SRGAP2: variants seen among roughly 807,000 people sequenced by gnomAD.
SRGAP2 encodes the protein SLIT-ROBO Rho GTPase activating protein 2.
Under a neutral mutation model 57.2 loss-of-function variants are expected in SRGAP2, and 15 were observed. That is an observed-to-expected ratio of 0.26 (90% CI 0.18 to 0.40). SRGAP2 has a LOEUF of 0.40. Among genes scored for constraint, SRGAP2 ranks in the 10% least tolerant of loss-of-function variants. The pLI, the probability that SRGAP2 is intolerant of heterozygous loss-of-function variation, is 1.00. For missense variants in SRGAP2, 520 were observed against 669.6 expected (o/e 0.78, Z 2.47); for synonymous variants, 249 against 248.0 (o/e 1.00, Z -0.04).
intron 2 of SRGAP2, among the ~76,000 whole-genome samples, chr1:206,302,325 T>C (rs1671918234): frequency 6.6e-6 from 1 of 151,858 alleles, no homozygotes; most frequent in Admixed American, 6.6e-5. Flanking sequence ...CTCTTGTCAG[T>C]AACAAATGCA....
chr1:206,246,953 TG>T (rs1668533619), intron 2 of SRGAP2, among the ~76,000 whole-genome samples: 1 of 131,542 alleles, frequency 7.6e-6, no homozygotes, highest in Admixed American at 7.7e-5. Flanking sequence ...AAGATGTTTA[TG>T]GGTGAACCCT....
chr1:206,414,029 C>CTTTTTTTTTTTTTTTTTTTTTT (rs201058533), intron 10 of SRGAP2, among the ~76,000 whole-genome samples: 1 of 145,152 alleles, frequency 6.9e-6, no homozygotes, highest in Non-Finnish European at 1.5e-5. Context: ...TTTTCTTTTT[C>CTTTTTTTTTTTTTTTTTTTTTT]TTTCTTTTTT....
At chr1:206,357,518 AG>A (rs1486229229) in intron 4 of SRGAP2, among the ~76,000 whole-genome samples, 2 of 150,680 alleles carry the variant, frequency 1.3e-5, no homozygotes, top group African/African-American at 4.9e-5. Context: ...ATCATACAGC[AG>A]TCTGTAGTCT....
In SRGAP2 at chr1:206,458,634, G is replaced by A. The variant is rs782635494; in HGVS notation, c.2519G>A (p.Arg840His). 3 of 758,276 alleles carry A rather than the reference G, an allele frequency of 4.0e-6. No homozygotes were observed. Among genetic ancestry groups the A allele is most frequent in the East Asian group, 4.9e-5 (2 of 40,710 alleles). 47.0% of individuals were successfully genotyped at this position (758,276 alleles called of 1,614,324 possible). Reference protein sequence around the residue: ...YLANINKQRKRPESGSIRKTF... With the variant: ...YLANINKQRKHPESGSIRKTF... Reference sequence around the variant, plus strand: ...GTTTGTGATTGAAGGCAAAGGAAGCGTCCAGAATCTGGGAGCATCCGGAAA... The same window carrying A: ...GTTTGTGATTGAAGGCAAAGGAAGCATCCAGAATCTGGGAGCATCCGGAAA... The change falls in exon 22 of 23, where the codon CGT becomes CAT. Residue 840 changes from arginine (R) to histidine (H), a missense_variant. Transcript: ENST00000573034.
At chr1:206,429,640 A>G (rs1201856067) in intron 13 of SRGAP2, among the ~76,000 whole-genome samples, 1 of 152,272 alleles carries the variant, frequency 6.6e-6, no homozygotes, top group Admixed American at 6.5e-5. Flanking sequence ...AACTGGAGGC[A>G]CAGGCAGTAT....
chr1:206,240,283 A>C lies in SRGAP2; in HGVS notation c.67+34246A>C, dbSNP rs1476783146. Among the ~76,000 whole-genome samples the C allele has an allele frequency of 3.1e-3, 447 of 144,088 alleles. 1 individual carries two copies. Among genetic ancestry groups the C allele is most frequent in the African/African-American group, 0.01 (418 of 39,854 alleles). The allele number at this position is 144,088 out of a possible 152,430, so 94.5% of individuals were successfully genotyped here. A position where few individuals can be genotyped will look rare whatever the true frequency, so the allele number is the denominator to read the frequency against. Reference sequence around the variant, plus strand: ...AACGTCTCAAAAAAAAAAAAAAAAAAAAGACATTGACTGGTCTTGGCAGTC... The same window carrying C: ...AACGTCTCAAAAAAAAAAAAAAAAACAAGACATTGACTGGTCTTGGCAGTC... On this transcript the variant is annotated intron_variant, in intron 2 of 22. Coordinates refer to ENST00000573034, the MANE Select transcript of SRGAP2 (RefSeq NM_015326.5).
intron 10 of SRGAP2, among the ~76,000 whole-genome samples, chr1:206,409,749 T>C (rs1659026843): frequency 1.3e-5 from 2 of 148,560 alleles, no homozygotes; most frequent in African/African-American, 2.5e-5. Flanking sequence ...GTCACTGCAC[T>C]CCAGCCTGGG....
intron 4 of SRGAP2, among the ~76,000 whole-genome samples, chr1:206,371,843 A>G (rs1654587155): frequency 3.4e-5 from 3 of 89,158 alleles, no homozygotes; most frequent in Admixed American, 3.2e-4. Context: ...GGAGGGACAG[A>G]GTCTTGCTCT....
chr1:206,318,913 TG>T (rs1231818609), intron 3 of SRGAP2, among the ~76,000 whole-genome samples: 2 of 150,708 alleles, frequency 1.3e-5, no homozygotes, highest in African/African-American at 2.5e-5. Context: ...ACATGAGATT[TG>T]GGGGGGGACA....
chr1:206,425,329 T>A (rs1292564447), intron 13 of SRGAP2, among the ~76,000 whole-genome samples: 15 of 152,140 alleles, frequency 9.9e-5, no homozygotes, highest in African/African-American at 3.6e-4. Flanking sequence ...CCAAATCAGG[T>A]TAATTAGGGT....
intron 2 of SRGAP2, among the ~76,000 whole-genome samples, chr1:206,219,887 CTTCT>C (rs1229318681): frequency 6.6e-6 from 1 of 151,710 alleles, no homozygotes; most frequent in African/African-American, 2.4e-5. Flanking sequence ...GTGCTGGTTA[CTTCT>C]TTCTAAGAGT....
chr1:206,311,318 C>T (rs1340888964), intron 3 of SRGAP2, among the ~76,000 whole-genome samples: 2 of 152,160 alleles, frequency 1.3e-5, no homozygotes, highest in African/African-American at 4.8e-5. Context: ...CATGGCCACC[C>T]ATCCATACAG....
At chr1:206,386,998 C>T (rs370888817) in intron 5 of SRGAP2, among the ~76,000 whole-genome samples, 4 of 143,212 alleles carry the variant, frequency 2.8e-5, no homozygotes, top group Non-Finnish European at 4.6e-5. Context: ...TGGTGGTGGG[C>T]GCCTATAGTC....
intron 2 of SRGAP2, among the ~76,000 whole-genome samples, chr1:206,239,447 A>T (rs1201553504): frequency 1.3e-5 from 2 of 152,166 alleles, no homozygotes; most frequent in Admixed American, 1.3e-4. Context: ...CCTGGAAGTT[A>T]AAAGAAAAGT....
Position 206,371,311 on chromosome 1 carries a change from A to G in SRGAP2, c.424-12703A>G, listed in dbSNP as rs1163653250. On this transcript the variant is annotated intron_variant, in intron 4 of 22. Coordinates refer to ENST00000573034, the MANE Select transcript of SRGAP2 (RefSeq NM_015326.5). ...TTTTCAGACAAGAAAAATATGAGAA[A>G]ATATATCGCCAGCAGACTTGCACTA... Among the ~76,000 whole-genome samples the G allele has an allele frequency of 6.0e-5, 9 of 149,190 alleles. No individual in the cohort carries two copies. In the Admixed American group the frequency reaches 6.0e-4, roughly 10 times the overall value.
chr1:206,428,927 T>C (rs1572132675), intron 13 of SRGAP2, among the ~76,000 whole-genome samples: 1 of 152,116 alleles, frequency 6.6e-6, no homozygotes, highest in Admixed American at 6.5e-5. Flanking sequence ...GGATTACAGG[T>C]GTGAGCGACC....
At chr1:206,433,648 AAG>A (rs1458463253) in intron 14 of SRGAP2, among the ~76,000 whole-genome samples, 2 of 151,980 alleles carry the variant, frequency 1.3e-5, no homozygotes, top group Non-Finnish European at 2.9e-5. Flanking sequence ...AAAAAAAAAA[AAG>A]ATAAATAAAT....
intron 8 of SRGAP2, among the ~76,000 whole-genome samples, chr1:206,402,191 A>G (rs529766494): frequency 1.3e-5 from 2 of 152,308 alleles, no homozygotes; most frequent in African/African-American, 4.8e-5. Context: ...GAAGACTGTG[A>G]TGAAGTGTAT....
At chr1:206,408,844 A>C (rs1217110335) in intron 10 of SRGAP2, among the ~76,000 whole-genome samples, 1 of 151,830 alleles carries the variant, frequency 6.6e-6, no homozygotes, top group African/African-American at 2.4e-5. Flanking sequence ...ATGTCCTCTA[A>C]CCCATTTCCT....
Sources: gnomAD v4.1 joint callset for allele counts (sites outside exome capture counted in the v4.1 genomes callset) on GRCh38, gnomAD v4.1.1 for gene constraint, MANE v1.5 for transcripts, NCBI Gene and HGNC (gene_info 2026-07-23, HGNC 2026-07-21) for gene names.